Variants in SYNE1 observed in about 807,000 individuals in gnomAD.
SYNE1 encodes nesprin-1.
A neutral mutation model predicts 1,111.0 loss-of-function variants in SYNE1; 616 were observed. That is an observed-to-expected ratio of 0.55 (90% CI 0.52 to 0.59). SYNE1 has a LOEUF of 0.59. SYNE1 is among the 20% of genes least tolerant of loss of function. SYNE1 has a pLI of 0.00. For synonymous variants in SYNE1, 3,855 were observed against 3,825.8 expected (o/e 1.01, Z -0.28); for missense variants, 10,006 against 10,417.0 (o/e 0.96, Z 1.72).
At chr6:152,399,070 C>CCA (rs1459079818) in intron 48 of SYNE1, among the ~76,000 whole-genome samples, 2 of 152,092 alleles carry the variant, frequency 1.3e-5, no homozygotes, top group Non-Finnish European at 2.9e-5. Context: ...GAGAAATGCT[C>CCA]CAGGGACATT....
intron 115 of SYNE1, among the ~76,000 whole-genome samples, chr6:152,229,278 T>C (rs962713000): frequency 6.6e-6 from 1 of 152,202 alleles, no homozygotes; most frequent in African/African-American, 2.4e-5. Context: ...TGTAACAATA[T>C]ATGAATTCAT....
intron 137 of SYNE1, chr6:152,145,088 C>T: frequency 3.3e-6 from 1 of 300,192 alleles, no homozygotes; most frequent in South Asian, 3.2e-5. Context: ...GGCTGGCGGA[C>T]TTGGGACCAG....
chr6:152,238,285 T>C (rs114126721), intron 108 of SYNE1, among the ~76,000 whole-genome samples: 200 of 152,294 alleles, frequency 1.3e-3, no homozygotes, highest in African/African-American at 4.7e-3. Flanking sequence ...GTGTGATCTC[T>C]GACTTTGCCA....
At chr6:152,413,193 C>T (rs537531630) in intron 42 of SYNE1, among the ~76,000 whole-genome samples, 159 bp downstream of exon 42, 2 of 152,118 alleles carry the variant, frequency 1.3e-5, no homozygotes, top group East Asian at 1.9e-4. Flanking sequence ...AAAGTTCTGT[C>T]GAAATAAGTA....
chr6:152,323,595 G>A lies in SYNE1; in HGVS notation c.15800C>T (p.Ala5267Val). 1 of 1,614,236 alleles carries A rather than the reference G, an allele frequency of 6.2e-7. No individual in the cohort carries two copies. The highest frequency in any genetic ancestry group is 8.5e-7 in the Non-Finnish European group (1 of 1,180,030). The part of the protein sequence containing the change: ...FVLELEQQQS[A>V]LGMLRQQTLS... ...GGTTTGCTGCCGCAGCATGCCCAAG[G>A]CCGACTGCTGCTGCTCCAGCTCCAG... Residue 5267 changes from alanine to valine, a missense_variant, in exon 82 of 146, where the codon GCC (alanine) becomes GTC (valine). Physicochemically the swap from Ala to Val is moderately conservative, Grantham distance 64. This residue lies in a region of SYNE1 where 4,955 missense variants were observed against 5,017.2 expected (regional missense o/e 0.99). Coordinates refer to ENST00000367255, the MANE Select transcript of SYNE1 (RefSeq NM_182961.4).
chr6:152,365,802 C>T (rs971448485), intron 62 of SYNE1, among the ~76,000 whole-genome samples: 1 of 152,098 alleles, frequency 6.6e-6, no homozygotes, highest in Non-Finnish European at 1.5e-5. Flanking sequence ...GATAATGTTG[C>T]CTAAAAGACA....
In SYNE1 at chr6:152,168,123, C is replaced by G. The variant is rs541565377; in HGVS notation, c.23628-3798G>C. ...CAAGAAGATGCCTGCCTTGTGACAT[C>G]GCAGTTACAATCTGGGAGATCTGCA... On this transcript the variant is annotated intron_variant, in intron 130 of 145. Coordinates refer to ENST00000367255, the MANE Select transcript of SYNE1 (RefSeq NM_182961.4). The G allele has an allele frequency of 3.8e-6, 3 of 780,114 alleles. No individual in the cohort carries two copies. In the East Asian group the frequency reaches 7.3e-5, roughly 19 times the overall value. 48.3% of individuals were successfully genotyped at this position (780,114 alleles called of 1,614,324 possible).
intron 3 of SYNE1, among the ~76,000 whole-genome samples, chr6:152,563,417 A>T (rs2099401412): frequency 2.0e-5 from 3 of 152,172 alleles, no homozygotes; most frequent in Admixed American, 6.5e-5. Context: ...ATCGATTTAT[A>T]AAAAGTGCTT....
At chr6:152,495,111 T>C (rs2098992037) in intron 11 of SYNE1, among the ~76,000 whole-genome samples, 1 of 152,238 alleles carries the variant, frequency 6.6e-6, no homozygotes, top group African/African-American at 2.4e-5. Flanking sequence ...TCTCATTTCC[T>C]TTCCATCATG....
chr6:152,412,257 T>A (rs926976753), intron 42 of SYNE1, among the ~76,000 whole-genome samples: 22 of 151,418 alleles, frequency 1.5e-4, no homozygotes, highest in African/African-American at 5.3e-4. Flanking sequence ...CCATCTCTAC[T>A]AAAAATACAA....
rs1189558235 is a variant in SYNE1 at position 152,236,905 on chromosome 6, T to C, written c.20111A>G (p.Gln6704Arg). ...LDEDQQELSR[Q>R]LEVVESSIPS... Reference sequence around the variant, plus strand: ...GATGCTGCTTTCCACCACCTCCAGCTGTCTGCTGAGCTCCTGCTGGTCCTC... The same window carrying C: ...GATGCTGCTTTCCACCACCTCCAGCCGTCTGCTGAGCTCCTGCTGGTCCTC... The change falls in exon 109 of 146, where the codon CAG becomes CGG. Residue 6704 changes from glutamine to arginine, a missense_variant. Physicochemically the swap from Gln to Arg is conservative, Grantham distance 43. This residue lies in a region of SYNE1 where 2,182 missense variants were observed against 2,287.8 expected (regional missense o/e 0.95). Coordinates refer to ENST00000367255, the MANE Select transcript of SYNE1 (RefSeq NM_182961.4). 1 of 1,614,176 alleles carries C rather than the reference T, an allele frequency of 6.2e-7. No homozygotes were observed. The highest frequency in any genetic ancestry group is 1.1e-5 in the South Asian group (1 of 91,090).
chr6:152,610,999 T>C (rs566054097), intron 3 of SYNE1, among the ~76,000 whole-genome samples: 1 of 152,226 alleles, frequency 6.6e-6, no homozygotes, highest in African/African-American at 2.4e-5. Flanking sequence ...AAGGAAGCAC[T>C]AAACATGGAA....
At chr6:152,245,914 T>A (rs1029926083) in intron 105 of SYNE1, among the ~76,000 whole-genome samples, 13 of 152,170 alleles carry the variant, frequency 8.5e-5, no homozygotes, top group African/African-American at 3.1e-4. Flanking sequence ...GACACAGCTG[T>A]GAGCTTGAGT....
At chr6:152,142,083 A>G (rs1335425430) in intron 138 of SYNE1, among the ~76,000 whole-genome samples, 1 of 152,216 alleles carries the variant, frequency 6.6e-6, no homozygotes, top group African/African-American at 2.4e-5. Flanking sequence ...TCTTAAAAAA[A>G]AAAAATTAAA....
At chr6:152,541,942 C>G (rs761576436) in intron 3 of SYNE1, among the ~76,000 whole-genome samples, 1 of 151,330 alleles carries the variant, frequency 6.6e-6, no homozygotes, top group African/African-American at 2.4e-5. Flanking sequence ...ACCCCTGCAC[C>G]TAAAATAAAA....
intron 66 of SYNE1, among the ~76,000 whole-genome samples, chr6:152,357,195 G>A (rs116880670): frequency 0.011 from 1,691 of 152,256 alleles, 17 homozygotes; most frequent in Non-Finnish European, 0.018. Flanking sequence ...ACAACTCTGT[G>A]GATGAAATTG....
At chr6:152,171,548 C>T (rs1323412351) in intron 130 of SYNE1, among the ~76,000 whole-genome samples, 4 of 152,136 alleles carry the variant, frequency 2.6e-5, no homozygotes, top group East Asian at 3.9e-4. Flanking sequence ...CTACTGAGCC[C>T]GTAAGAAGAA....
rs1270045392 is a variant in SYNE1 at position 152,180,140 on chromosome 6, T to C, written c.23456A>G (p.Lys7819Arg). The C allele has an allele frequency of 3.1e-6, 5 of 1,614,126 alleles. No homozygotes were observed. The African/African-American group carries it at 5.3e-5, about 17-fold the overall frequency. ...ILIEEMIEKL[K>R]KDYQEEIAIA... ...AAGTAGCCATGCATTCCATACCTTCTTGAGCTTCTCTATCATTTCTTCAAT... is the reference window on the plus strand; with the variant it reads ...AAGTAGCCATGCATTCCATACCTTCCTGAGCTTCTCTATCATTTCTTCAAT... Residue 7819 changes from lysine to arginine, a missense_variant, in exon 129 of 146, where the codon AAG becomes AGG. Physicochemically the swap from Lys to Arg is conservative, Grantham distance 26. Around this residue, in one of 7 missense-constraint regions of SYNE1, gnomAD observed 2,182 missense variants for 2,287.8 expected, o/e 0.95. Transcript: ENST00000367255.
chr6:152,398,557 G>C (rs897230315), intron 49 of SYNE1, 62 bp downstream of exon 49: 8 of 1,350,672 alleles, frequency 5.9e-6, no homozygotes, highest in Middle Eastern at 3.6e-4. Flanking sequence ...GATAACTTAG[G>C]TCTGCCTGCA....
Sources: allele counts gnomAD v4.1 joint callset (sites outside exome capture counted in the v4.1 genomes callset), GRCh38; gene constraint gnomAD v4.1.1; regional missense constraint gnomAD v4.1.1; transcripts MANE v1.5; gene names NCBI Gene and HGNC (gene_info 2026-07-23, HGNC 2026-07-21).